USP25: variants seen among roughly 807,000 people sequenced by gnomAD.
USP25 encodes the protein ubiquitin carboxyl-terminal hydrolase 25.
A neutral mutation model predicts 158.5 loss-of-function variants in USP25; 85 were observed. The observed-to-expected ratio is 0.54, with a 90% confidence interval of 0.45 to 0.64. USP25 has a LOEUF of 0.64. USP25 is among the 30% of genes least tolerant of loss of function. The probability of loss-of-function intolerance (pLI) is 0.00; values close to 1 mark genes in which losing one functional copy is unlikely to be tolerated. For synonymous variants in USP25, 464 were observed against 460.4 expected (o/e 1.01, Z -0.10); for missense variants, 1,242 against 1,327.3 (o/e 0.94, Z 1.00).
intron 10 of USP25, 41 bp from the exon 11 acceptor site, chr21:15,823,998 G>T: frequency 6.3e-7 from 1 of 1,582,580 alleles, no homozygotes; most frequent in South Asian, 1.1e-5. Context: ...AGAAAACAAA[G>T]GTGGTATTAA....
chr21:15,734,318 A>C (rs1019099626), intron 1 of USP25, among the ~76,000 whole-genome samples: 5 of 152,250 alleles, frequency 3.3e-5, no homozygotes, highest in African/African-American at 9.6e-5. Context: ...ATTTAGGATT[A>C]TCTAAGGTTA....
In USP25 at chr21:15,877,820, C is replaced by T. The variant is rs765218290; in HGVS notation, c.3034C>T (p.Leu1012Phe). Residue 1012 changes from leucine (L) to phenylalanine (F), a missense_variant, in exon 25 of 26, where the codon CTC becomes TTC. Leu to Phe is a conservative substitution (Grantham distance 22). Coordinates refer to ENST00000400183, the MANE Select transcript of USP25 (RefSeq NM_001283041.3). Reference sequence around the variant, plus strand: ...GAAATTAAATGAGCAAGCCGCAGAACTCTTCGAATCTGGAGAGGATCGAGA... The same window carrying T: ...GAAATTAAATGAGCAAGCCGCAGAATTCTTCGAATCTGGAGAGGATCGAGA... ...LLKLNEQAAE[L>F]FESGEDREVN... 1 of 1,611,080 alleles carries T rather than the reference C, an allele frequency of 6.2e-7. No individual in the cohort carries two copies.
At chr21:15,802,135 G>A (rs2036165778) in intron 6 of USP25, among the ~76,000 whole-genome samples, 1 of 151,490 alleles carries the variant, frequency 6.6e-6, no homozygotes, top group South Asian at 2.1e-4. Flanking sequence ...ATATTTAGTG[G>A]AAATCATCAT....
At chr21:15,775,773 C>T (rs1054812415) in intron 3 of USP25, among the ~76,000 whole-genome samples, 3 of 135,932 alleles carry the variant, frequency 2.2e-5, no homozygotes, top group Non-Finnish European at 3.1e-5. Flanking sequence ...TGCACTCTGC[C>T]TTCCATGTCT....
In USP25 at chr21:15,824,482, G is replaced by C. The variant is rs568340577; in HGVS notation, c.1208+316G>C. ...GAATTGATGCTTTGTGGTGATGTCT[G>C]TACTTAATATTGTATCTATCTATCT... On this transcript the variant is annotated intron_variant, in intron 11 of 25. Coordinates refer to ENST00000400183, the MANE Select transcript of USP25 (RefSeq NM_001283041.3). Among the ~76,000 whole-genome samples the C allele has an allele frequency of 2.6e-5, 4 of 152,188 alleles. No homozygotes were observed. In the South Asian group the frequency reaches 8.3e-4, roughly 32 times the overall value.
intron 1 of USP25, among the ~76,000 whole-genome samples, chr21:15,736,161 A>G (rs1041725585): frequency 6.6e-6 from 1 of 151,688 alleles, no homozygotes; most frequent in Non-Finnish European, 1.5e-5. Context: ...GCAATGGTGC[A>G]ATCTCAGCTC....
At chr21:15,755,219 G>GC (rs145752028) in intron 1 of USP25, among the ~76,000 whole-genome samples, 2,085 of 151,168 alleles carry the variant, frequency 0.014, 62 homozygotes, top group African/African-American at 0.049. Context: ...TAAGAGTTGC[G>GC]CCCCCCGCCT....
intron 10 of USP25, 34 bp downstream of exon 10, chr21:15,818,880 C>A (rs781201334): frequency 1.9e-5 from 30 of 1,608,344 alleles, no homozygotes; most frequent in Non-Finnish European, 2.5e-5. Context: ...CCCTTTCTTC[C>A]CTAGGTCTTT....
intron 18 of USP25, among the ~76,000 whole-genome samples, 170 bp from the exon 19 acceptor site, chr21:15,847,493 G>A (rs1287793274): frequency 6.6e-6 from 1 of 152,140 alleles, no homozygotes; most frequent in Admixed American, 6.5e-5. Flanking sequence ...AGATTTAAGA[G>A]TATGTGCTTA....
chr21:15,749,194 C>T (rs910281209), intron 1 of USP25, among the ~76,000 whole-genome samples: 1 of 152,256 alleles, frequency 6.6e-6, no homozygotes, highest in South Asian at 2.1e-4. Flanking sequence ...CTTGTGAGTA[C>T]TTTGCCTTGT....
At chr21:15,747,500 ATAGT>A (rs911181652) in intron 1 of USP25, among the ~76,000 whole-genome samples, 2 of 152,026 alleles carry the variant, frequency 1.3e-5, no homozygotes, top group Non-Finnish European at 2.9e-5. Context: ...TTTCCTATAT[ATAGT>A]ATCTACCTGT....
intron 1 of USP25, among the ~76,000 whole-genome samples, chr21:15,734,174 A>G (rs1037691877): frequency 6.6e-6 from 1 of 152,174 alleles, no homozygotes; most frequent in Admixed American, 6.5e-5. Context: ...GTCAACTTTC[A>G]CTGAATTCCT....
At chr21:15,734,034 A>T (rs1487527200) in intron 1 of USP25, among the ~76,000 whole-genome samples, 4 of 152,222 alleles carry the variant, frequency 2.6e-5, no homozygotes, top group Non-Finnish European at 5.9e-5. Context: ...TAACAGTAGT[A>T]TGTTAAGGCT....
chr21:15,864,483 TTC>T lies in USP25; in HGVS notation c.2726+39_2726+40del, dbSNP rs573424088. The stretch of plus-strand genomic sequence containing the variant: ...GTATAAAATTCATATGCTCAAATCG[TTC>T]TTTTTTTTTTTCCTGCAGATTCCCA... On this transcript the variant is annotated intron_variant, in intron 21 of 25. Transcript: ENST00000400183. The T allele has an allele frequency of 1.3e-3, 1,925 of 1,531,392 alleles. 8 individuals carry two copies. The African/African-American group carries it at 0.024, about 19-fold the overall frequency. The allele number at this position is 1,531,392 out of a possible 1,614,324, so 94.9% of individuals were successfully genotyped here.
In USP25 at chr21:15,826,972, T is replaced by C; in HGVS notation, c.1467-5T>C. The C allele has an allele frequency of 6.2e-7, 1 of 1,612,910 alleles. No individual in the cohort carries two copies. ...TAATAAGAAATACTCTATGCTTTGA[T>C]ACAGCACAACAGAACAACAGGGAGC... On this transcript the variant is annotated splice_polypyrimidine_tract_variant and splice_region_variant and intron_variant, in intron 13 of 25. Transcript: ENST00000400183. The surrounding 1 kb of genome is among the most constrained non-coding windows in gnomAD (Gnocchi z 4.8).
At chr21:15,789,248 G>T (rs1012839348) in intron 4 of USP25, among the ~76,000 whole-genome samples, 1 of 152,200 alleles carries the variant, frequency 6.6e-6, no homozygotes, top group East Asian at 1.9e-4. Flanking sequence ...GAAGACGGGC[G>T]TAAAGGAATT....
At chr21:15,740,961 G>A (rs767502772) in intron 1 of USP25, among the ~76,000 whole-genome samples, 1 of 150,332 alleles carries the variant, frequency 6.7e-6, no homozygotes, top group Non-Finnish European at 1.5e-5. Context: ...TGTGTAATTT[G>A]ATGAATTTGG....
intron 10 of USP25, among the ~76,000 whole-genome samples, chr21:15,822,827 A>G (rs767145659): frequency 4.6e-5 from 7 of 151,990 alleles, no homozygotes; most frequent in Admixed American, 1.3e-4. Context: ...TCATAATTTT[A>G]TTTAATCCGT....
intron 20 of USP25, among the ~76,000 whole-genome samples, chr21:15,859,660 T>G (rs1481601783): frequency 2.6e-5 from 4 of 152,120 alleles, no homozygotes; most frequent in Non-Finnish European, 5.9e-5. Flanking sequence ...GTCTGTTCAG[T>G]TTTTCTGCCT....
Sources: gnomAD v4.1 joint callset for allele counts (sites outside exome capture counted in the v4.1 genomes callset) on GRCh38, gnomAD v4.1.1 for gene constraint, Gnocchi (gnomAD v3.1) non-coding constraint, MANE v1.5 for transcripts, NCBI Gene and HGNC (gene_info 2026-07-23, HGNC 2026-07-21) for gene names.